The following MKX variants were observed in gnomAD, a reference collection of about 807,000 sequenced individuals.
MKX encodes mohawk homeobox.
MKX carries 13 observed loss-of-function variants against 36.0 expected under a neutral mutation model. The ratio of observed to expected loss-of-function variants is 0.36; its 90% CI spans 0.24 to 0.57. MKX has a LOEUF of 0.57. Ranked by LOEUF, MKX falls within the 20% of genes least tolerant of loss-of-function variation. The probability of loss-of-function intolerance (pLI) is 0.79; values close to 1 mark genes in which losing one functional copy is unlikely to be tolerated. For missense variants in MKX, 458 were observed against 456.4 expected (o/e 1.00, Z -0.03); for synonymous variants, 176 against 178.3 (o/e 0.99, Z 0.10).
At position 27,743,486 on chromosome 10, in the gene MKX, G is replaced by A. The variant is rs1379601682; in HGVS notation, c.-71C>T. 7.0e-7 allele frequency: 1 copy of A among 1,424,924 alleles called. No homozygotes were observed. Among genetic ancestry groups the A allele is most frequent in the African/African-American group, 1.5e-5 (1 of 65,606 alleles). The allele number at this position is 1,424,924 out of a possible 1,614,324, so 88.3% of individuals were successfully genotyped here. A position where few individuals can be genotyped will look rare whatever the true frequency, so the allele number is the denominator to read the frequency against. On this transcript the variant is annotated 5_prime_UTR_variant, in exon 2 of 7. Transcript: ENST00000419761. ...GCTGGGCCGCCGGGAGCTCCGCAGC[G>A]GGGCTCGGCTTCTAGGAGAGGAAGG...
chr10:27,715,457 C>T (rs572158788), intron 5 of MKX, among the ~76,000 whole-genome samples: 6 of 152,278 alleles, frequency 3.9e-5, no homozygotes, highest in East Asian at 1.9e-4. Context: ...GAGGGTGCTA[C>T]GTGGCTGATC....
intron 5 of MKX, among the ~76,000 whole-genome samples, chr10:27,730,632 A>G (rs1401322728): frequency 1.3e-5 from 2 of 151,580 alleles, no homozygotes; most frequent in Non-Finnish European, 2.9e-5. Flanking sequence ...TAATTTTTGT[A>G]TTATTAGTGG....
chr10:27,675,451 C>T (rs764652789), intron 6 of MKX, 36 bp from the exon 7 acceptor site: 2 of 1,614,006 alleles, frequency 1.2e-6, no homozygotes, highest in Non-Finnish European at 1.7e-6. Flanking sequence ...AACGATCAAA[C>T]TCACTGCAGT....
intron 3 of MKX, among the ~76,000 whole-genome samples, chr10:27,736,805 T>C (rs935785491): frequency 1.3e-5 from 2 of 152,194 alleles, no homozygotes; most frequent in African/African-American, 4.8e-5. Flanking sequence ...ATATAGTTAA[T>C]ATTGTCTTCT....
intron 5 of MKX, among the ~76,000 whole-genome samples, chr10:27,698,238 C>T (rs1836589238): frequency 6.6e-6 from 1 of 152,128 alleles, no homozygotes; most frequent in Non-Finnish European, 1.5e-5. Flanking sequence ...GTTTGTGGTT[C>T]TGTGTGCCAA....
At chr10:27,678,493 C>G (rs1285307031) in intron 5 of MKX, among the ~76,000 whole-genome samples, 1 of 152,210 alleles carries the variant, frequency 6.6e-6, no homozygotes, top group Non-Finnish European at 1.5e-5. Context: ...GACACTCTGG[C>G]TCCCAGATGA....
At chr10:27,743,169 T>C (rs917608013) in intron 2 of MKX, 59 bp downstream of exon 2, 63 of 1,381,462 alleles carry the variant, frequency 4.6e-5, no homozygotes, top group East Asian at 5.8e-5. Flanking sequence ...CCGTCACAGC[T>C]CACCACCCCC....
intron 5 of MKX, among the ~76,000 whole-genome samples, chr10:27,706,255 A>G (rs1414212362): frequency 1.3e-5 from 2 of 152,094 alleles, no homozygotes. Context: ...ATATATATAT[A>G]TCACATTTTG....
intron 5 of MKX, among the ~76,000 whole-genome samples, chr10:27,685,259 C>T (rs72797679): frequency 0.017 from 2,628 of 152,160 alleles, 36 homozygotes; most frequent in Non-Finnish European, 0.027. Context: ...GGCAACAGAA[C>T]CTATTAAAAA....
At chr10:27,701,825 G>GTATATA (rs1294495851) in intron 5 of MKX, among the ~76,000 whole-genome samples, 7 of 30,722 alleles carry the variant, frequency 2.3e-4, no homozygotes, top group African/African-American at 6.8e-4. Context: ...GTGTGTGTGT[G>GTATATA]TGTATATATA....
At chr10:27,717,612 T>C (rs547210386) in intron 5 of MKX, among the ~76,000 whole-genome samples, 1 of 152,342 alleles carries the variant, frequency 6.6e-6, no homozygotes, top group East Asian at 1.9e-4. Flanking sequence ...TCCAACAGGA[T>C]ATACAGAAAC....
At chr10:27,721,380 G>T (rs748676451) in intron 5 of MKX, among the ~76,000 whole-genome samples, 4 of 152,112 alleles carry the variant, frequency 2.6e-5, no homozygotes, top group African/African-American at 4.8e-5. Context: ...CAACCCAAAT[G>T]CCCATCAATG....
rs904996054 is a variant in MKX at position 27,729,050 on chromosome 10, A to G, written c.838+5406T>C. Among the ~76,000 whole-genome samples, 43 of 152,218 alleles carry G rather than the reference A, an allele frequency of 2.8e-4. 1 individual carries two copies. Among genetic ancestry groups the G allele is most frequent in the Non-Finnish European group, 4.4e-5 (3 of 68,038 alleles). On this transcript the variant is annotated intron_variant, in intron 5 of 6. Transcript: ENST00000419761. Reference sequence around the variant, plus strand: ...TCAATCAAAATCTTCATTTCTTCCCAGGGATATTCACCTCCATCAAGCAGA... The same window carrying G: ...TCAATCAAAATCTTCATTTCTTCCCGGGGATATTCACCTCCATCAAGCAGA...
At chr10:27,726,905 G>A (rs1402266056) in intron 5 of MKX, among the ~76,000 whole-genome samples, 2 of 151,962 alleles carry the variant, frequency 1.3e-5, no homozygotes, top group East Asian at 1.9e-4. Flanking sequence ...ATTCACTGAA[G>A]AAACATTTAT....
intron 5 of MKX, among the ~76,000 whole-genome samples, chr10:27,681,817 G>A (rs1461382794): frequency 6.6e-6 from 1 of 152,058 alleles, no homozygotes; most frequent in Non-Finnish European, 1.5e-5. Context: ...AGCTACCTGG[G>A]AGGTTGAGGC....
At chr10:27,690,625 A>C (rs1836437370) in intron 5 of MKX, among the ~76,000 whole-genome samples, 1 of 152,104 alleles carries the variant, frequency 6.6e-6, no homozygotes, top group Admixed American at 6.5e-5. Flanking sequence ...GTGGGGATAA[A>C]ATGAGGTATT....
intron 5 of MKX, among the ~76,000 whole-genome samples, chr10:27,683,807 A>G (rs1386615372): frequency 6.6e-6 from 1 of 152,210 alleles, no homozygotes; most frequent in African/African-American, 2.4e-5. Flanking sequence ...GGGCAGGTAT[A>G]AAACCTCCCT....
At chr10:27,690,910 C>G (rs1836442529) in intron 5 of MKX, among the ~76,000 whole-genome samples, 1 of 152,104 alleles carries the variant, frequency 6.6e-6, no homozygotes, top group Non-Finnish European at 1.5e-5. Context: ...GTGGTTTCCC[C>G]CATGCTGTTC....
intron 5 of MKX, among the ~76,000 whole-genome samples, chr10:27,694,145 T>A (rs1836504360): frequency 1.3e-5 from 2 of 152,264 alleles, no homozygotes; most frequent in South Asian, 4.1e-4. Context: ...CTTGGGTATG[T>A]CTTTATCAGC....
Sources: gnomAD v4.1 joint callset for allele counts (sites outside exome capture counted in the v4.1 genomes callset) on GRCh38, gnomAD v4.1.1 for gene constraint, MANE v1.5 for transcripts, NCBI Gene and HGNC (gene_info 2026-07-23, HGNC 2026-07-21) for gene names.